The following ELOVL7 variants were observed in gnomAD, a reference collection of about 807,000 sequenced individuals.
ELOVL7 encodes ELOVL fatty acid elongase 7.
Under a neutral mutation model 35.7 loss-of-function variants are expected in ELOVL7, and 27 were observed. That is an observed-to-expected ratio of 0.76 (90% CI 0.56 to 1.04). The LOEUF is 1.04. Ranked by LOEUF, ELOVL7 falls within the 50% of genes least tolerant of loss-of-function variation. ELOVL7 has a pLI of 0.00. For synonymous variants in ELOVL7, 113 were observed against 114.6 expected (o/e 0.99, Z 0.09); for missense variants, 327 against 340.8 (o/e 0.96, Z 0.32).
Position 60,752,735 on chromosome 5 carries a change from C to T in ELOVL7, c.*1889G>A, listed in dbSNP as rs1651551467. ...TGGGAGGCCGAGGTGGGAGGATCAC[C>T]TGAGGTCAGGAGCTCGAGACCAGCC... On this transcript the variant is annotated 3_prime_UTR_variant, in exon 9 of 9. Transcript: ENST00000508821. The T allele has an allele frequency of 6.6e-6, 1 of 152,048 alleles. No individual in the cohort carries two copies. Among genetic ancestry groups the T allele is most frequent in the African/African-American group, 2.4e-5 (1 of 41,398 alleles). 9.4% of individuals were successfully genotyped at this position (152,048 alleles called of 1,614,324 possible).
chr5:60,832,447 C>A (rs1219407350), intron 1 of ELOVL7, among the ~76,000 whole-genome samples: 1 of 151,904 alleles, frequency 6.6e-6, no homozygotes, highest in Non-Finnish European at 1.5e-5. Flanking sequence ...CTCACAGCAA[C>A]CTCTGCCTCC....
intron 1 of ELOVL7, among the ~76,000 whole-genome samples, chr5:60,823,838 G>A (rs898821871): frequency 5.6e-4 from 86 of 152,260 alleles, no homozygotes; most frequent in African/African-American, 2.0e-3. Flanking sequence ...CTGGGCTCCA[G>A]GATTTTTTTA....
At chr5:60,794,422 A>G (rs1365285046) in intron 2 of ELOVL7, among the ~76,000 whole-genome samples, 1 of 152,224 alleles carries the variant, frequency 6.6e-6, no homozygotes, top group Admixed American at 6.5e-5. Flanking sequence ...TTTTTGCCCA[A>G]GTCTATCTCA....
intron 1 of ELOVL7, among the ~76,000 whole-genome samples, chr5:60,831,388 C>T (rs968317714): frequency 2.0e-5 from 3 of 152,186 alleles, no homozygotes; most frequent in Non-Finnish European, 4.4e-5. Context: ...GACTATGGTG[C>T]TATAGGCCAC....
chr5:60,768,230 C>T (rs551741403), intron 4 of ELOVL7, among the ~76,000 whole-genome samples: 11 of 152,254 alleles, frequency 7.2e-5, no homozygotes, highest in African/African-American at 2.6e-4. Context: ...GGTGACTTAT[C>T]TTAGGTTCAT....
rs141936060 is a variant in ELOVL7, at chr5:60,754,646, G to A, written c.824C>T (p.Thr275Ile). The A allele has an allele frequency of 1.2e-6, 2 of 1,613,818 alleles. No homozygotes were observed. Among genetic ancestry groups the A allele is most frequent in the African/African-American group, 2.7e-5 (2 of 74,912 alleles). The change falls in exon 9 of 9, where the codon ACT (threonine) becomes ATT (isoleucine). Residue 275 changes from threonine to isoleucine, a missense_variant. Transcript: ENST00000508821. ...GCTTCAATTATCTTTGTTTTTGCAA[G>A]TTCCATTTTTCACAGTTTTGGGCAA... Reference protein sequence around the residue: ...QRLPKTVKNGTCKNKDN With the variant: ...QRLPKTVKNGICKNKDN
chr5:60,782,811 A>C (rs1743342265), intron 3 of ELOVL7, among the ~76,000 whole-genome samples: 1 of 152,188 alleles, frequency 6.6e-6, no homozygotes, highest in African/African-American at 2.4e-5. Flanking sequence ...AAATAGGGAG[A>C]TGTTGATCAA....
intron 1 of ELOVL7, among the ~76,000 whole-genome samples, chr5:60,837,321 G>GT (rs1746875524): frequency 1.7e-5 from 2 of 120,690 alleles, no homozygotes; most frequent in African/African-American, 3.1e-5. Flanking sequence ...GGGGTGGGGG[G>GT]GGAGTGGGGG....
At chr5:60,812,953 T>C (rs1745316712) in intron 1 of ELOVL7, among the ~76,000 whole-genome samples, 1 of 152,198 alleles carries the variant, frequency 6.6e-6, no homozygotes, top group South Asian at 2.1e-4. Context: ...TTGCTTTCTA[T>C]CTACTTGTTC....
intron 3 of ELOVL7, among the ~76,000 whole-genome samples, chr5:60,778,950 A>T (rs1446477685): frequency 6.6e-6 from 1 of 152,252 alleles, no homozygotes; most frequent in Non-Finnish European, 1.5e-5. Flanking sequence ...TCCAAATGGC[A>T]GAAATTGGCC....
At chr5:60,775,620 T>C (rs923725100) in intron 3 of ELOVL7, among the ~76,000 whole-genome samples, 20 of 152,148 alleles carry the variant, frequency 1.3e-4, no homozygotes, top group Admixed American at 1.3e-3. Flanking sequence ...GGTATTGATA[T>C]AAAAATAGAC....
In ELOVL7 at chr5:60,787,801, G is replaced by T. The variant is rs1279019727; in HGVS notation, c.-34-370C>A. 2.0e-5 allele frequency among the ~76,000 whole-genome samples: 3 copies of T among 152,200 alleles called. No homozygotes were observed. The East Asian group carries it at 5.8e-4, about 29-fold the overall frequency. ...AAGCTAAAGCAGAAACCCTGGAGAA[G>T]AAAGTCAAGAGATACACAAACTTTC... On this transcript the variant is annotated intron_variant, in intron 2 of 8. Transcript: ENST00000508821.
At position 60,766,570 on chromosome 5, in the gene ELOVL7, T is replaced by C; in HGVS notation, c.393+4A>G. 2 of 1,609,952 alleles carry C rather than the reference T, an allele frequency of 1.2e-6. No homozygotes were observed. Among genetic ancestry groups the C allele is most frequent in the African/African-American group, 2.7e-5 (2 of 74,938 alleles). On this transcript the variant is annotated splice_donor_region_variant and intron_variant, in intron 6 of 8. Coordinates refer to ENST00000508821, the MANE Select transcript of ELOVL7 (RefSeq NM_024930.3). The stretch of plus-strand genomic sequence containing the variant: ...TTTACCAAATGTGGTGGCCATATAC[T>C]CACCGTATCTAATAGCTCAATAAAT...
intron 7 of ELOVL7, among the ~76,000 whole-genome samples, chr5:60,759,452 G>A (rs968762012): frequency 6.6e-6 from 1 of 152,076 alleles, no homozygotes; most frequent in African/African-American, 2.4e-5. Flanking sequence ...GAGTCAAGGT[G>A]CTTAAAAGGA....
chr5:60,771,002 C>T (rs1486154887), intron 4 of ELOVL7, among the ~76,000 whole-genome samples: 1 of 152,084 alleles, frequency 6.6e-6, no homozygotes, highest in East Asian at 1.9e-4. Flanking sequence ...ACCTGGCCAG[C>T]CACAGTAGAT....
intron 2 of ELOVL7, among the ~76,000 whole-genome samples, chr5:60,794,277 T>G (rs1042549086): frequency 6.6e-6 from 1 of 152,214 alleles, no homozygotes; most frequent in African/African-American, 2.4e-5. Flanking sequence ...TGCGCCTTCT[T>G]CGTAGAGCAG....
chr5:60,788,389 C>T (rs906887671), intron 2 of ELOVL7, among the ~76,000 whole-genome samples: 11 of 151,846 alleles, frequency 7.2e-5, no homozygotes, highest in Admixed American at 3.9e-4. Flanking sequence ...CTTAATGCCA[C>T]GGAAATTCAC....
chr5:60,827,845 T>G (rs909537135), intron 1 of ELOVL7, among the ~76,000 whole-genome samples: 2 of 152,172 alleles, frequency 1.3e-5, no homozygotes, highest in Non-Finnish European at 2.9e-5. Flanking sequence ...ACAACCCACC[T>G]GTGGTACAGG....
chr5:60,757,225 A>C (rs1343778064), intron 8 of ELOVL7, among the ~76,000 whole-genome samples: 13 of 152,122 alleles, frequency 8.5e-5, no homozygotes, highest in Non-Finnish European at 1.9e-4. Flanking sequence ...ATTGAGGGTC[A>C]CATAACGTTG....
Sources: allele counts gnomAD v4.1 joint callset (sites outside exome capture counted in the v4.1 genomes callset), GRCh38; gene constraint gnomAD v4.1.1; transcripts MANE v1.5; gene names NCBI Gene and HGNC (gene_info 2026-07-23, HGNC 2026-07-21).